KY: variants seen among roughly 807,000 people sequenced by gnomAD.
KY encodes the protein kyphoscoliosis peptidase.
A neutral mutation model predicts 76.1 loss-of-function variants in KY; 43 were observed. That is an observed-to-expected ratio of 0.57 (90% CI 0.44 to 0.73). The LOEUF is 0.73. Among genes scored for constraint, KY ranks in the 30% least tolerant of loss-of-function variants. The pLI, the probability that KY is intolerant of heterozygous loss-of-function variation, is 0.00. For synonymous variants in KY, 277 were observed against 326.2 expected, an observed-to-expected ratio of 0.85 and a Z score of 1.63; for missense variants, 722 against 828.9, an observed-to-expected ratio of 0.87 and a Z score of 1.58.
At chr3:134,642,843 C>G (rs1388017655) in intron 3 of KY, among the ~76,000 whole-genome samples, 1 of 152,214 alleles carries the variant, frequency 6.6e-6, no homozygotes, top group Non-Finnish European at 1.5e-5. Flanking sequence ...CTGACTCTTG[C>G]TGGCCATGTG....
rs1461212465 is a variant in KY at position 134,604,184 on chromosome 3, T to C, written c.1381A>G (p.Met461Val). 1.2e-6 allele frequency: 2 copies of C among 1,611,228 alleles called. No homozygotes were observed. Among genetic ancestry groups the C allele is most frequent in the East Asian group, 4.5e-5 (2 of 44,784 alleles). The change falls in exon 11 of 11, where the codon ATG becomes GTG. Residue 461 changes from methionine (M) to valine (V), a missense_variant. By Grantham distance (21) the Met-to-Val change is conservative. Coordinates refer to ENST00000423778, the MANE Select transcript of KY (RefSeq NM_178554.6). ...GGGTGGGAGGGCTTCATGATGCCCA[T>C]CTGCTCCGAGAACCAGCTGGGGCCC... Reference protein sequence around the residue: ...PVGPSWFSEQMGIMKPSHPDP... With the variant: ...PVGPSWFSEQVGIMKPSHPDP...
At chr3:134,635,869 T>C (rs1964896711) in intron 3 of KY, among the ~76,000 whole-genome samples, 1 of 152,252 alleles carries the variant, frequency 6.6e-6, no homozygotes, top group South Asian at 2.1e-4. Context: ...TTTCCACATT[T>C]AAAAATCCAA....
At chr3:134,616,580 C>G (rs1438854703) in intron 8 of KY, among the ~76,000 whole-genome samples, 2 of 152,210 alleles carry the variant, frequency 1.3e-5, no homozygotes, top group East Asian at 1.9e-4. Context: ...CTACACATCT[C>G]AGGCAGTGTG....
In KY at chr3:134,603,070, G is replaced by A. The variant is rs1959040050; in HGVS notation, c.*509C>T. Reference sequence around the variant, plus strand: ...TGATCAGGTCTGGGAGGAGAAGATAGTCCAAGATTCCCTGGGGGCTCGGAG... The same window carrying A: ...TGATCAGGTCTGGGAGGAGAAGATAATCCAAGATTCCCTGGGGGCTCGGAG... On this transcript the variant is annotated 3_prime_UTR_variant, in exon 11 of 11. Coordinates refer to ENST00000423778, the MANE Select transcript of KY (RefSeq NM_178554.6). 2 of 152,726 alleles carry A rather than the reference G, an allele frequency of 1.3e-5. No individual in the cohort carries two copies. The highest frequency in any genetic ancestry group is 1.3e-4 in the Admixed American group (2 of 15,298). 9.5% of individuals were successfully genotyped at this position (152,726 alleles called of 1,614,324 possible). A position where few individuals can be genotyped will look rare whatever the true frequency, so the allele number is the denominator to read the frequency against.
intron 8 of KY, among the ~76,000 whole-genome samples, chr3:134,611,339 C>A (rs1296947431): frequency 6.6e-6 from 1 of 152,192 alleles, no homozygotes; most frequent in East Asian, 1.9e-4. Flanking sequence ...CAGGCCTGGG[C>A]TGTGGGCACC....
chr3:134,606,506 C>A (rs140236858), intron 10 of KY, among the ~76,000 whole-genome samples: 1 of 152,344 alleles, frequency 6.6e-6, no homozygotes, highest in African/African-American at 2.4e-5. Flanking sequence ...CCCACCCGGA[C>A]CCCTCAGCTG....
Position 134,601,300 on chromosome 3 carries a change from G to T in KY, c.*2279C>A, listed in dbSNP as rs1018485426. Among the ~76,000 whole-genome samples the T allele has an allele frequency of 6.6e-6, 1 of 152,172 alleles. No individual in the cohort carries two copies. Among genetic ancestry groups the T allele is most frequent in the African/African-American group, 2.4e-5 (1 of 41,428 alleles). ...ATGCCCTGCGGTGCTTTGAGGGGCGGGGCCTCCCTCTCTGGTGCTGGGGAC... is the reference window on the plus strand; with the variant it reads ...ATGCCCTGCGGTGCTTTGAGGGGCGTGGCCTCCCTCTCTGGTGCTGGGGAC... On this transcript the variant is annotated 3_prime_UTR_variant, in exon 11 of 11. Transcript: ENST00000423778.
intron 2 of KY, among the ~76,000 whole-genome samples, chr3:134,646,698 C>A (rs1013931240): frequency 3.3e-5 from 5 of 152,110 alleles, no homozygotes; most frequent in African/African-American, 1.2e-4. Flanking sequence ...TTTACACTGG[C>A]ATTTGATAAG....
chr3:134,647,567 A>G, intron 1 of KY, 70 bp from the exon 2 acceptor site: 1 of 909,208 alleles, frequency 1.1e-6, no homozygotes, highest in Non-Finnish European at 1.8e-6. Flanking sequence ...TTGCAGACTT[A>G]TCTAGGTTAT....
chr3:134,609,381 G>A (rs1035228893), intron 9 of KY, among the ~76,000 whole-genome samples: 1 of 152,174 alleles, frequency 6.6e-6, no homozygotes, highest in African/African-American at 2.4e-5. Flanking sequence ...CTGCCTAAGA[G>A]GAGCAGTGTT....
At chr3:134,619,370 A>G (rs1457178397) in intron 7 of KY, 105 bp from the exon 8 acceptor site, 6 of 823,546 alleles carry the variant, frequency 7.3e-6, no homozygotes, top group Admixed American at 3.7e-5. Flanking sequence ...CCAGGAAACT[A>G]CAGTGGGCTG....
At position 134,610,487 on chromosome 3, in the gene KY, C is replaced by G; in HGVS notation, c.711-104G>C. On this transcript the variant is annotated intron_variant, in intron 8 of 10. Coordinates refer to ENST00000423778, the MANE Select transcript of KY (RefSeq NM_178554.6). ...GGCATGTTTGCTGCCCATCAGTCCTCCCTGTCTATCCTTTTCCTTGCTTCT... is the reference window on the plus strand; with the variant it reads ...GGCATGTTTGCTGCCCATCAGTCCTGCCTGTCTATCCTTTTCCTTGCTTCT... 3.2e-6 allele frequency: 3 copies of G among 943,642 alleles called. No individual in the cohort carries two copies. The East Asian group carries it at 7.4e-5, about 23-fold the overall frequency. 58.5% of individuals were successfully genotyped at this position (943,642 alleles called of 1,614,324 possible).
intron 8 of KY, among the ~76,000 whole-genome samples, chr3:134,612,043 T>A (rs1560106469): frequency 6.6e-6 from 1 of 152,334 alleles, no homozygotes; most frequent in East Asian, 1.9e-4. Flanking sequence ...CATGCAATGA[T>A]GAGGTGTTAC....
chr3:134,633,247 C>T (rs1413698529), intron 3 of KY, among the ~76,000 whole-genome samples: 1 of 152,034 alleles, frequency 6.6e-6, no homozygotes, highest in African/African-American at 2.4e-5. Context: ...TGCTTCATAA[C>T]TCATTTTATG....
chr3:134,606,674 C>T (rs935794547), intron 10 of KY, among the ~76,000 whole-genome samples: 1 of 152,168 alleles, frequency 6.6e-6, no homozygotes. Flanking sequence ...TCATTTCCTG[C>T]CACGTCTTAG....
intron 3 of KY, among the ~76,000 whole-genome samples, chr3:134,640,171 G>A (rs1036408204): frequency 1.1e-4 from 16 of 147,132 alleles, no homozygotes; most frequent in Admixed American, 8.1e-4. Context: ...GAACCATTCC[G>A]AGCAATGAGT....
In KY at chr3:134,625,129, G is replaced by T; in HGVS notation, c.407C>A (p.Pro136His). The part of the protein sequence containing the change: ...QPGGKDAHAY[P>H]WDRSSLKSMS... ...GGATTTCAGGCTAGATCGATCCCAG[G>T]GGTAGGCTGGAAACACAGGGCACCT... The change falls in exon 6 of 11, where the codon CCC (proline) becomes CAC (histidine). Residue 136 changes from proline to histidine, a missense_variant. Physicochemically the swap from Pro to His is moderately conservative, Grantham distance 77. Transcript: ENST00000423778. 1 of 1,596,160 alleles carries T rather than the reference G, an allele frequency of 6.3e-7. No individual in the cohort carries two copies. The highest frequency in any genetic ancestry group is 8.5e-7 in the Non-Finnish European group (1 of 1,171,090).
chr3:134,617,884 G>C (rs912837962), intron 8 of KY, among the ~76,000 whole-genome samples: 1 of 152,102 alleles, frequency 6.6e-6, no homozygotes, highest in African/African-American at 2.4e-5. Context: ...GACTTTGCTA[G>C]ATAGTGTGAT....
chr3:134,644,435 T>C lies in KY; in HGVS notation c.200-1057A>G, dbSNP rs570538135. Among the ~76,000 whole-genome samples, 102 of 152,288 alleles carry C rather than the reference T, an allele frequency of 6.7e-4. 2 individuals carry two copies. The South Asian group carries it at 0.014, about 21-fold the overall frequency. On this transcript the variant is annotated intron_variant, in intron 2 of 10. Transcript: ENST00000423778. ...CCTCCCTTCTTTACAGCTGCTGCTG[T>C]GGCCTGCTGTTACTGAAGCTGCCCT...
Sources: gnomAD v4.1 joint callset for allele counts (sites outside exome capture counted in the v4.1 genomes callset) on GRCh38, gnomAD v4.1.1 for gene constraint, MANE v1.5 for transcripts, NCBI Gene and HGNC (gene_info 2026-07-23, HGNC 2026-07-21) for gene names.